The following PDE11A variants were observed in gnomAD, a reference collection of about 807,000 sequenced individuals.
The protein encoded by PDE11A is dual 3',5'-cyclic-AMP and -GMP phosphodiesterase 11A.
PDE11A carries 100 observed loss-of-function variants against 100.5 expected under a neutral mutation model. That is an observed-to-expected ratio of 1.00 (90% confidence interval 0.85 to 1.18). The LOEUF is 1.18. Ranked by LOEUF, PDE11A falls within the 50% of genes most tolerant of loss-of-function variation. PDE11A has a pLI of 0.00. For synonymous variants in PDE11A, 381 were observed against 420.8 expected (o/e 0.91, Z 1.16); for missense variants, 1,141 against 1,152.6 (o/e 0.99, Z 0.15).
intron 1 of PDE11A, among the ~76,000 whole-genome samples, chr2:178,037,683 A>G (rs2086632730): frequency 6.6e-6 from 1 of 152,216 alleles, no homozygotes; most frequent in East Asian, 1.9e-4. Context: ...ACGGAATACT[A>G]TGCAGCCATA....
chr2:177,638,279 G>A (rs1477757758), intron 19 of PDE11A, among the ~76,000 whole-genome samples: 6 of 152,058 alleles, frequency 3.9e-5, no homozygotes, highest in African/African-American at 1.4e-4. Context: ...GATTATAGGC[G>A]TGAGCCACCG....
At chr2:177,647,625 C>T (rs1227991679) in intron 19 of PDE11A, among the ~76,000 whole-genome samples, 1 of 152,162 alleles carries the variant, frequency 6.6e-6, no homozygotes, top group Non-Finnish European at 1.5e-5. Flanking sequence ...TAGCACCAGA[C>T]ATGCTTAGTT....
intron 15 of PDE11A, among the ~76,000 whole-genome samples, chr2:177,690,506 T>A (rs1043703166): frequency 1.3e-5 from 2 of 152,250 alleles, no homozygotes; most frequent in Non-Finnish European, 2.9e-5. Context: ...GTAATTTTTT[T>A]AAATGAATTG....
intron 5 of PDE11A, among the ~76,000 whole-genome samples, chr2:177,862,650 G>A (rs1188110672): frequency 6.6e-6 from 1 of 151,750 alleles, no homozygotes; most frequent in Non-Finnish European, 1.5e-5. Flanking sequence ...TCTGTACACT[G>A]AAAACTATAA....
intron 15 of PDE11A, among the ~76,000 whole-genome samples, chr2:177,696,269 C>A (rs2081110813): frequency 1.3e-5 from 2 of 152,010 alleles, no homozygotes; most frequent in African/African-American, 4.8e-5. Context: ...CAGGTCATAA[C>A]ATAAATATAG....
At chr2:177,911,648 C>A (rs2084882379) in intron 2 of PDE11A, among the ~76,000 whole-genome samples, 2 of 152,150 alleles carry the variant, frequency 1.3e-5, no homozygotes, top group South Asian at 4.1e-4. Context: ...CTTTGGGAGG[C>A]CGAGGCAGGT....
At chr2:177,678,684 A>G (rs532197228) in intron 16 of PDE11A, among the ~76,000 whole-genome samples, 1 of 152,276 alleles carries the variant, frequency 6.6e-6, no homozygotes, top group Non-Finnish European at 1.5e-5. Flanking sequence ...GGGAGGGCAG[A>G]TGAGGGGAGA....
At chr2:177,949,904 AGT>A (rs2105782096) in intron 2 of PDE11A, among the ~76,000 whole-genome samples, 1 of 152,344 alleles carries the variant, frequency 6.6e-6, no homozygotes, top group African/African-American at 2.4e-5. Flanking sequence ...TGCCTTTGAC[AGT>A]GGAATCTAGG....
chr2:178,031,196 A>G (rs2086543055), intron 1 of PDE11A, among the ~76,000 whole-genome samples: 1 of 152,200 alleles, frequency 6.6e-6, no homozygotes, highest in Admixed American at 6.5e-5. Flanking sequence ...TCTTAACCCA[A>G]TAAAGGGGAT....
intron 2 of PDE11A, among the ~76,000 whole-genome samples, chr2:177,989,362 C>T (rs1330625555): frequency 6.6e-6 from 1 of 152,106 alleles, no homozygotes; most frequent in African/African-American, 2.4e-5. Context: ...GAATACTCTG[C>T]CCAGAGTCAA....
chr2:177,735,082 G>A (rs2081755765), intron 10 of PDE11A, among the ~76,000 whole-genome samples: 1 of 152,224 alleles, frequency 6.6e-6, no homozygotes, highest in Non-Finnish European at 1.5e-5. Flanking sequence ...GCCTGTCAGA[G>A]GATACAGAGA....
At chr2:178,050,692 G>A (rs765818199) in intron 1 of PDE11A, among the ~76,000 whole-genome samples, 32 of 152,204 alleles carry the variant, frequency 2.1e-4, no homozygotes, top group Admixed American at 3.3e-4. Flanking sequence ...ACCATGGCAC[G>A]AGAACTACGT....
intron 1 of PDE11A, among the ~76,000 whole-genome samples, chr2:178,035,492 T>C (rs984800942): frequency 3.3e-5 from 5 of 152,054 alleles, no homozygotes; most frequent in African/African-American, 7.2e-5. Context: ...TTCCAATCAA[T>C]AGAAAAAGAG....
At chr2:177,941,798 G>C (rs1559016542) in intron 2 of PDE11A, among the ~76,000 whole-genome samples, 1 of 152,210 alleles carries the variant, frequency 6.6e-6, no homozygotes, top group Non-Finnish European at 1.5e-5. Flanking sequence ...ACAGAACGTG[G>C]AGTGTTGCAG....
intron 10 of PDE11A, among the ~76,000 whole-genome samples, chr2:177,766,485 T>G (rs1008377252): frequency 6.6e-6 from 1 of 152,218 alleles, no homozygotes; most frequent in Non-Finnish European, 1.5e-5. Context: ...TACAATCATG[T>G]TTGTTAAAAA....
chr2:178,105,039 T>C (rs2087602090), intron 1 of PDE11A, among the ~76,000 whole-genome samples: 1 of 152,212 alleles, frequency 6.6e-6, no homozygotes, highest in Non-Finnish European at 1.5e-5. Flanking sequence ...TACTTTACAT[T>C]CTTAGCTATA....
chr2:177,906,663 C>A (rs1392502466), intron 2 of PDE11A, among the ~76,000 whole-genome samples: 1 of 152,106 alleles, frequency 6.6e-6, no homozygotes, highest in Non-Finnish European at 1.5e-5. Context: ...CACATGTTGC[C>A]TTCTGGAACT....
At chr2:177,892,485 T>G (rs2084545392) in intron 4 of PDE11A, among the ~76,000 whole-genome samples, 1 of 152,254 alleles carries the variant, frequency 6.6e-6, no homozygotes, top group African/African-American at 2.4e-5. Context: ...AACATATTCT[T>G]TTTCTATAAC....
chr2:177,905,216 A>G, intron 2 of PDE11A, 29 bp from the exon 3 acceptor site: 2 of 1,222,740 alleles, frequency 1.6e-6, no homozygotes, highest in Non-Finnish European at 2.4e-6. Flanking sequence ...TAAGAACATT[A>G]AAACATAAGA....
Sources: gnomAD v4.1 joint callset for allele counts (sites outside exome capture counted in the v4.1 genomes callset) on GRCh38, gnomAD v4.1.1 for gene constraint, MANE v1.5 for transcripts, NCBI Gene and HGNC (gene_info 2026-07-23, HGNC 2026-07-21) for gene names.